SLIT3: variants seen among roughly 807,000 people sequenced by gnomAD.
The protein encoded by SLIT3 is slit homolog 3 protein.
In SLIT3, 68 loss-of-function variants were observed where a neutral mutation model predicts 184.0. That is an observed-to-expected ratio of 0.37 (90% CI 0.30 to 0.45). SLIT3 has a LOEUF of 0.45. SLIT3 is among the 20% of genes least tolerant of loss of function. SLIT3 has a pLI of 1.00. For missense variants in SLIT3, 1,707 were observed against 2,026.0 expected, an observed-to-expected ratio of 0.84 and a Z score of 3.02; for synonymous variants, 831 against 828.6, an observed-to-expected ratio of 1.00 and a Z score of -0.05.
chr5:169,041,316 G>T (rs1757441698), intron 4 of SLIT3, among the ~76,000 whole-genome samples: 2 of 152,204 alleles, frequency 1.3e-5, no homozygotes, highest in Admixed American at 1.3e-4. Flanking sequence ...CACAGTCCTT[G>T]TTCTCGTGGA....
At chr5:169,114,605 A>G (rs1760579662) in intron 4 of SLIT3, among the ~76,000 whole-genome samples, 2 of 152,182 alleles carry the variant, frequency 1.3e-5, no homozygotes, top group African/African-American at 2.4e-5. Flanking sequence ...CTGGTGTGAC[A>G]TTGCAATTTC....
intron 4 of SLIT3, among the ~76,000 whole-genome samples, chr5:168,907,979 T>TATATATATATAGAGAGAG (rs376418381): frequency 1.2e-4 from 6 of 50,086 alleles, no homozygotes; most frequent in Non-Finnish European, 2.0e-4. Context: ...TATATATATA[T>TATATATATATAGAGAGAG]AGAGAGAGAG....
chr5:169,263,542 C>T (rs1766273035), intron 1 of SLIT3: 9 of 417,424 alleles, frequency 2.2e-5, no homozygotes, highest in South Asian at 1.2e-4. Flanking sequence ...TTTCAGATTG[C>T]GAGGCTCCAG....
chr5:168,743,490 ATGT>A (rs775678792), intron 20 of SLIT3, among the ~76,000 whole-genome samples: 14 of 152,228 alleles, frequency 9.2e-5, no homozygotes, highest in Non-Finnish European at 1.9e-4. Context: ...TAATTGATAA[ATGT>A]TGTGTGTGCT....
intron 6 of SLIT3, among the ~76,000 whole-genome samples, chr5:168,839,278 C>T (rs886880937): frequency 6.6e-6 from 1 of 152,060 alleles, no homozygotes; most frequent in Non-Finnish European, 1.5e-5. Context: ...TTTACTGTAC[C>T]CAGCGCCCAG....
rs115138615 is a variant in SLIT3, at chr5:168,833,039, T to C, written c.558-9708A>G. 1.7e-3 allele frequency among the ~76,000 whole-genome samples: 265 copies of C among 152,334 alleles called. 2 individuals are homozygous for C. Among genetic ancestry groups the C allele is most frequent in the Non-Finnish European group, 2.9e-3 (200 of 68,030 alleles). ...GGCAGCCACCAGTGATGAATTATCTTTAAATGATTGTAAATTATTCATTGT... is the reference window on the plus strand; with the variant it reads ...GGCAGCCACCAGTGATGAATTATCTCTAAATGATTGTAAATTATTCATTGT... On this transcript the variant is annotated intron_variant, in intron 6 of 35. Transcript: ENST00000519560.
chr5:169,220,537 T>C (rs1278809093), intron 3 of SLIT3, among the ~76,000 whole-genome samples: 1 of 152,170 alleles, frequency 6.6e-6, no homozygotes, highest in Non-Finnish European at 1.5e-5. Flanking sequence ...CACACACATA[T>C]ATATTCTCTC....
intron 2 of SLIT3, among the ~76,000 whole-genome samples, chr5:169,251,046 G>A (rs1214453293): frequency 6.6e-6 from 1 of 152,184 alleles, no homozygotes; most frequent in East Asian, 1.9e-4. Flanking sequence ...TGCACAGGCT[G>A]GAGAAGAAAT....
intron 4 of SLIT3, among the ~76,000 whole-genome samples, chr5:169,109,972 G>A (rs1760354865): frequency 6.6e-6 from 1 of 152,122 alleles, no homozygotes; most frequent in East Asian, 1.9e-4. Context: ...TCATCCTCAT[G>A]GAGCGTCTAA....
intron 3 of SLIT3, among the ~76,000 whole-genome samples, chr5:169,204,831 C>T (rs1764016090): frequency 1.3e-5 from 2 of 152,156 alleles, no homozygotes; most frequent in South Asian, 4.1e-4. Context: ...GACATCGCTG[C>T]TTAGGAAAGG....
intron 4 of SLIT3, among the ~76,000 whole-genome samples, chr5:169,168,330 T>C (rs1246061035): frequency 2.0e-5 from 3 of 152,336 alleles, no homozygotes; most frequent in Admixed American, 6.5e-5. Flanking sequence ...AGATAATAAA[T>C]ATTCTACAAT....
intron 3 of SLIT3, among the ~76,000 whole-genome samples, chr5:169,201,983 GCACT>G (rs1561735164): frequency 8.4e-4 from 128 of 152,188 alleles, no homozygotes; most frequent in Middle Eastern, 3.4e-3. Context: ...TACAGTCCTG[GCACT>G]TTGGGAGGCC....
chr5:169,197,806 T>A (rs1274791143), intron 3 of SLIT3, among the ~76,000 whole-genome samples: 1 of 150,278 alleles, frequency 6.7e-6, no homozygotes, highest in African/African-American at 2.5e-5. Context: ...ATGGGGAGCA[T>A]AAAGGTAAAA....
At chr5:169,117,175 C>T (rs1760702329) in intron 4 of SLIT3, among the ~76,000 whole-genome samples, 1 of 152,110 alleles carries the variant, frequency 6.6e-6, no homozygotes, top group Non-Finnish European at 1.5e-5. Flanking sequence ...GGTGTGTGTG[C>T]CTGCACTGTC....
At chr5:169,042,314 A>G (rs2113026222) in intron 4 of SLIT3, among the ~76,000 whole-genome samples, 1 of 152,332 alleles carries the variant, frequency 6.6e-6, no homozygotes, top group East Asian at 1.9e-4. Flanking sequence ...TGAAAAATTA[A>G]TTCAACCCTC....
At chr5:168,736,387 C>T (rs1249643917) in intron 20 of SLIT3, among the ~76,000 whole-genome samples, 1 of 152,210 alleles carries the variant, frequency 6.6e-6, no homozygotes, top group African/African-American at 2.4e-5. Flanking sequence ...CTGGTCCACT[C>T]TCCAAAGATG....
At chr5:168,713,594 T>C (rs573644111) in intron 23 of SLIT3, among the ~76,000 whole-genome samples, 266 of 152,366 alleles carry the variant, frequency 1.7e-3, no homozygotes, top group African/African-American at 6.3e-3. Context: ...TGAGTCCTAG[T>C]AGAACAAAGA....
chr5:169,179,727 G>A (rs995694450), intron 4 of SLIT3, among the ~76,000 whole-genome samples: 3 of 152,120 alleles, frequency 2.0e-5, no homozygotes, highest in Admixed American at 1.3e-4. Flanking sequence ...CTGTTAACTA[G>A]TCATTCGGGG....
At chr5:169,136,652 G>T (rs6881450) in intron 4 of SLIT3, among the ~76,000 whole-genome samples, 50,731 of 152,020 alleles carry the variant, frequency 0.33, 8,876 homozygotes, top group Middle Eastern at 0.46. Flanking sequence ...ATCTTTCAAC[G>T]CCTAAAAACA....
Sources: allele counts gnomAD v4.1 joint callset (sites outside exome capture counted in the v4.1 genomes callset), GRCh38; gene constraint gnomAD v4.1.1; transcripts MANE v1.5; gene names NCBI Gene and HGNC (gene_info 2026-07-23, HGNC 2026-07-21).